The following ADCY5 variants were observed in gnomAD, a reference collection of about 807,000 sequenced individuals.
ADCY5 encodes the protein adenylate cyclase type 5.
Under a neutral mutation model 119.7 loss-of-function variants are expected in ADCY5, and 30 were observed. The ratio of observed to expected loss-of-function variants is 0.25; its 90% CI spans 0.19 to 0.34. The LOEUF (loss-of-function observed/expected upper bound fraction) is 0.34. Ranked by LOEUF, ADCY5 falls within the 10% of genes least tolerant of loss-of-function variation. ADCY5 has a pLI of 1.00. For synonymous variants in ADCY5, 753 were observed against 762.2 expected (o/e 0.99, Z 0.20); for missense variants, 1,324 against 1,775.2 (o/e 0.75, Z 4.57).
Position 123,327,620 on chromosome 3 carries a change from G to A in ADCY5, c.1945C>T (p.Arg649Trp), listed in dbSNP as rs1412508852. The change falls in exon 7 of 21, where the codon CGG becomes TGG. Residue 649 changes from arginine (R) to tryptophan (W), a missense_variant and splice_region_variant. Transcript: ENST00000462833. ...CCCCCGGCCCCCAGCCCACAGACCC[G>A]CTTCTGGGTGCAGCGCAGGATGAGG... Reference protein sequence around the residue: ...TFLILRCTQKRKEEKAMIAKM... With the variant: ...TFLILRCTQKWKEEKAMIAKM... The A allele has an allele frequency of 3.1e-6, 5 of 1,613,254 alleles. No individual in the cohort carries two copies. Among genetic ancestry groups the A allele is most frequent in the Non-Finnish European group, 3.4e-6 (4 of 1,179,614 alleles).
chr3:123,392,966 C>T (rs1397179602), intron 1 of ADCY5, among the ~76,000 whole-genome samples: 1 of 152,178 alleles, frequency 6.6e-6, no homozygotes, highest in Non-Finnish European at 1.5e-5. Flanking sequence ...GTCTCTACCA[C>T]CCCCAGTGAC....
chr3:123,352,073 T>A lies in ADCY5; in HGVS notation c.1284+359A>T, dbSNP rs73858769. On this transcript the variant is annotated intron_variant, in intron 2 of 20. Coordinates refer to ENST00000462833, the MANE Select transcript of ADCY5 (RefSeq NM_183357.3). This position sits in a 1 kb window ranked among gnomAD's most constrained non-coding sequence, Gnocchi z 4.8. ...TAGGAATGCTGGCTTCTCTCCTTAC[T>A]CCAACTCAAGGCGGGGTGCAGTGCG... Among the ~76,000 whole-genome samples the A allele has an allele frequency of 1.3e-5, 2 of 152,194 alleles. No homozygotes were observed. Among genetic ancestry groups the A allele is most frequent in the African/African-American group, 4.8e-5 (2 of 41,536 alleles).
At chr3:123,284,758 G>A in intron 20 of ADCY5, 22 bp from the exon 21 acceptor site, 2 of 1,613,766 alleles carry the variant, frequency 1.2e-6, no homozygotes, top group Non-Finnish European at 1.7e-6. Flanking sequence ...CAGGAGGAGA[G>A]AGGGCAAGCC....
rs9882534 is a variant in ADCY5, at chr3:123,296,247, G to C, written c.2931-31C>G. The C allele has an allele frequency of 1, 1,601,877 of 1,605,914 alleles. 799,014 individuals are homozygous for C. Among genetic ancestry groups the C allele is most frequent in the East Asian group, 1 (44,645 of 44,646 alleles). On this transcript the variant is annotated intron_variant, in intron 16 of 20. Transcript: ENST00000462833. ...GGGAGGTGGTGGACAGGCCTGAGAC[G>C]GCCGTGGCTCCTCACAGCGGGCTCT...
intron 3 of ADCY5, among the ~76,000 whole-genome samples, chr3:123,344,044 T>C (rs1332207073): frequency 2.0e-5 from 3 of 152,166 alleles, no homozygotes; most frequent in Admixed American, 6.5e-5. Flanking sequence ...TGGTGTGTGC[T>C]GCACAACTAT....
At chr3:123,406,155 C>T (rs1944893529) in intron 1 of ADCY5, among the ~76,000 whole-genome samples, 1 of 152,210 alleles carries the variant, frequency 6.6e-6, no homozygotes. Context: ...CCCTAATCAC[C>T]CCAGGGTCAG....
intron 9 of ADCY5, among the ~76,000 whole-genome samples, chr3:123,320,422 T>G (rs1941157273): frequency 6.6e-6 from 1 of 152,252 alleles, no homozygotes; most frequent in South Asian, 2.1e-4. Flanking sequence ...CTCGGGGCAC[T>G]GGATGCCAGG....
At chr3:123,294,704 C>G (rs1939387698) in intron 17 of ADCY5, among the ~76,000 whole-genome samples, 1 of 152,182 alleles carries the variant, frequency 6.6e-6, no homozygotes, top group African/African-American at 2.4e-5. Flanking sequence ...GATCCTGGAC[C>G]AGCATCGGGA....
chr3:123,340,844 G>A (rs1231886182), intron 3 of ADCY5, among the ~76,000 whole-genome samples: 1 of 152,074 alleles, frequency 6.6e-6, no homozygotes, highest in Admixed American at 6.6e-5. Context: ...GAAAGCACAG[G>A]CCAGGCATGG....
chr3:123,400,003 G>A (rs537027082), intron 1 of ADCY5, among the ~76,000 whole-genome samples: 1 of 152,274 alleles, frequency 6.6e-6, no homozygotes, highest in African/African-American at 2.4e-5. Flanking sequence ...TCCATTCCAC[G>A]CATGCAGTAA....
intron 1 of ADCY5, among the ~76,000 whole-genome samples, chr3:123,388,255 C>A (rs186990051): frequency 6.6e-6 from 1 of 152,044 alleles, no homozygotes; most frequent in Non-Finnish European, 1.5e-5. Flanking sequence ...TGGGAGGGGC[C>A]GCGGAGGTTG....
intron 3 of ADCY5, among the ~76,000 whole-genome samples, chr3:123,344,643 C>A (rs1942445698): frequency 6.6e-6 from 1 of 152,136 alleles, no homozygotes; most frequent in Non-Finnish European, 1.5e-5. Context: ...CTAGGCCTAA[C>A]CACTGTGCCC....
At chr3:123,328,511 G>A (rs545698929) in intron 6 of ADCY5, 133 bp downstream of exon 6, 67 of 1,059,666 alleles carry the variant, frequency 6.3e-5, no homozygotes, top group African/African-American at 3.4e-4. Flanking sequence ...TCACCCCAGC[G>A]CCCCCACAGG....
In ADCY5 at chr3:123,447,859, C is replaced by T; in HGVS notation, c.687G>A (p.Leu229=). 1.2e-6 allele frequency: 2 copies of T among 1,612,636 alleles called. No homozygotes were observed. Among genetic ancestry groups the T allele is most frequent in the South Asian group, 1.1e-5 (1 of 91,082 alleles). ...TCAGGCGGAAGAAGTAGCGCTGGTA[C>T]AGCCGCTCCAGTTTGTCCGACGGGA... is the stretch of plus-strand genomic sequence containing the variant. ...KKFPSDKLER[L]YQRYFFRLNQ... is the part of the protein sequence containing the mutation. The change falls in exon 1 of 21, where the codon CTG becomes CTA. Residue 229 remains leucine (L), a synonymous_variant. Transcript: ENST00000462833.
Position 123,368,063 on chromosome 3 carries a change from G to A in ADCY5, c.1135-15482C>T, listed in dbSNP as rs79098598. 4.3e-3 allele frequency: 6,263 copies of A among 1,448,026 alleles called. 230 individuals are homozygous for A. In the African/African-American group the frequency reaches 0.078, roughly 18 times the overall value. The allele number at this position is 1,448,026 out of a possible 1,614,324, so 89.7% of individuals were successfully genotyped here. ...AGAGATTGCCTGGGGGAGAGAGGCA[G>A]GAAGATTCAGTGAGAGGAGTGCTAT... is the stretch of plus-strand genomic sequence containing the variant. On this transcript the variant is annotated intron_variant, in intron 1 of 20. Coordinates refer to ENST00000462833, the MANE Select transcript of ADCY5 (RefSeq NM_183357.3).
At chr3:123,365,077 G>A (rs1576627173) in intron 1 of ADCY5, among the ~76,000 whole-genome samples, 1 of 152,034 alleles carries the variant, frequency 6.6e-6, no homozygotes, top group East Asian at 1.9e-4. Context: ...GGGATTACAG[G>A]CGCCCACCAC....
intron 12 of ADCY5, among the ~76,000 whole-genome samples, chr3:123,311,187 G>A (rs750170596): frequency 3.3e-5 from 5 of 152,238 alleles, no homozygotes; most frequent in Admixed American, 6.5e-5. Flanking sequence ...CACTCTCCGT[G>A]ACTTCTGAGA....
chr3:123,366,513 G>A lies in ADCY5; in HGVS notation c.1135-13932C>T, dbSNP rs548064385. On this transcript the variant is annotated intron_variant, in intron 1 of 20. Coordinates refer to ENST00000462833, the MANE Select transcript of ADCY5 (RefSeq NM_183357.3). ...GGTGACAGAAAAGGGAAGGGGGGCTGGAGGTGAGGCCCAAGGGATATGGAG... is the reference window on the plus strand; with the variant it reads ...GGTGACAGAAAAGGGAAGGGGGGCTAGAGGTGAGGCCCAAGGGATATGGAG... Among the ~76,000 whole-genome samples the A allele has an allele frequency of 1.3e-5, 2 of 152,230 alleles. 1 individual carries two copies. The highest frequency in any genetic ancestry group is 4.1e-4 in the South Asian group (2 of 4,832).
At position 123,346,238 on chromosome 3, in the gene ADCY5, C is replaced by G. The variant is rs139974315; in HGVS notation, c.1406+1544G>C. Among the ~76,000 whole-genome samples the G allele has an allele frequency of 4.2e-3, 635 of 152,312 alleles. 1 individual carries two copies. Among genetic ancestry groups the G allele is most frequent in the Middle Eastern group, 0.017 (5 of 294 alleles). On this transcript the variant is annotated intron_variant, in intron 3 of 20. Transcript: ENST00000462833. ...CTGCACTGCCTGAAGGGCTCAAGCC[C>G]GGAAGTCCGGCCACCAACTCCACTT...
Sources: gnomAD v4.1 joint callset for allele counts (sites outside exome capture counted in the v4.1 genomes callset) on GRCh38, gnomAD v4.1.1 for gene constraint, Gnocchi (gnomAD v3.1) non-coding constraint, MANE v1.5 for transcripts, NCBI Gene and HGNC (gene_info 2026-07-23, HGNC 2026-07-21) for gene names.